GRHL2: variants seen among roughly 807,000 people sequenced by gnomAD.
GRHL2 encodes the protein grainyhead like transcription factor 2.
A neutral mutation model predicts 83.8 loss-of-function variants in GRHL2; 21 were observed. The ratio of observed to expected loss-of-function variants is 0.25; its 90% CI spans 0.18 to 0.36. GRHL2 has a LOEUF of 0.36. GRHL2 is among the 10% of genes least tolerant of loss of function. The pLI is 1.00. For synonymous variants in GRHL2, 280 were observed against 278.9 expected, an observed-to-expected ratio of 1.00 and a Z score of -0.04; for missense variants, 623 against 781.8, an observed-to-expected ratio of 0.80 and a Z score of 2.42.
chr8:101,558,474 G>T lies in GRHL2; in HGVS notation c.340G>T (p.Val114Leu). ...TAATTTGAGTGGAGGAGAAAACCGAGTGCAAGTCCTAAAGACTGTTCCAGT... is the reference window on the plus strand; with the variant it reads ...TAATTTGAGTGGAGGAGAAAACCGATTGCAAGTCCTAAAGACTGTTCCAGT... Reference protein sequence around the residue: ...QSNLSGGENRVQVLKTVPVNL... With the variant: ...QSNLSGGENRLQVLKTVPVNL... The change falls in exon 4 of 16, where the codon GTG becomes TTG. Residue 114 changes from valine (V) to leucine (L), a missense_variant. Around this residue, in one of 8 missense-constraint regions of GRHL2, gnomAD observed 239 missense variants for 240.5 expected, o/e 0.99. Coordinates refer to ENST00000646743, the MANE Select transcript of GRHL2 (RefSeq NM_024915.4). 6.2e-7 allele frequency: 1 copy of T among 1,614,198 alleles called. No homozygotes were observed. The highest frequency in any genetic ancestry group is 8.5e-7 in the Non-Finnish European group (1 of 1,180,042).
chr8:101,557,224 CT>C (rs34785282), intron 3 of GRHL2, among the ~76,000 whole-genome samples: 11,116 of 122,222 alleles, frequency 0.091, 439 homozygotes, highest in African/African-American at 0.18. Flanking sequence ...ATTAACAATA[CT>C]TTTTTTTTTT....
the GRHL2 span, among the ~76,000 whole-genome samples, chr8:101,678,770 G>C: frequency 1.3e-5 from 2 of 152,114 alleles, no homozygotes; most frequent in South Asian, 2.1e-4. Context: ...GCGGGTCCTT[G>C]ACCCCCAAGC....
At chr8:101,677,936 C>G in the GRHL2 span, among the ~76,000 whole-genome samples, 1 of 152,218 alleles carries the variant, frequency 6.6e-6, no homozygotes. Context: ...AATAATCTGT[C>G]TTAGGTGGAT....
In GRHL2 at chr8:101,573,729, C is replaced by T; in HGVS notation, c.796C>T (p.Pro266Ser). ...TCTCCGTCAGAAGCAGGGGGAGGGC[C>T]CCATGACCTACCTCAACAAAGGACA... ...KSLRQKQGEG[P>S]MTYLNKGQFY... is the part of the protein sequence containing the mutation. The change falls in exon 6 of 16, where the codon CCC (proline) becomes TCC (serine). Residue 266 changes from proline (P) to serine (S), a missense_variant. Physicochemically the swap from Pro to Ser is moderately conservative, Grantham distance 74. This residue lies in a region of GRHL2 where 96 missense variants were observed against 144.8 expected (regional missense o/e 0.66). Transcript: ENST00000646743. 3 of 1,614,114 alleles carry T rather than the reference C, an allele frequency of 1.9e-6. No homozygotes were observed. Among genetic ancestry groups the T allele is most frequent in the Non-Finnish European group, 1.7e-6 (2 of 1,180,026 alleles).
rs112134650 is a variant in GRHL2, at chr8:101,513,500, C to CTTTTTTTTTTTTTTT, written c.20+20721_20+20722insTTTTTTTTTTTTTTT. On this transcript the variant is annotated intron_variant, in intron 1 of 15. Coordinates refer to ENST00000646743, the MANE Select transcript of GRHL2 (RefSeq NM_024915.4). ...TATGTGGGTGCAGGCTATCGTTGTGCTTTTTTTTTTGGAGATGGAGTTTTG... is the reference window on the plus strand; with the variant it reads ...TATGTGGGTGCAGGCTATCGTTGTGCTTTTTTTTTTTTTTTTTTTTTTTTTGGAGATGGAGTTTTG... 6.1e-4 allele frequency among the ~76,000 whole-genome samples: 61 copies of CTTTTTTTTTTTTTTT among 100,144 alleles called. 8 individuals carry two copies. Among genetic ancestry groups the CTTTTTTTTTTTTTTT allele is most frequent in the Non-Finnish European group, 5.9e-4 (31 of 52,766 alleles). The allele number at this position is 100,144 out of a possible 152,430, so 65.7% of individuals were successfully genotyped here.
At chr8:101,536,418 A>G (rs1242928601) in intron 1 of GRHL2, among the ~76,000 whole-genome samples, 1 of 152,246 alleles carries the variant, frequency 6.6e-6, no homozygotes, top group East Asian at 1.9e-4. Flanking sequence ...AAAGAATAAT[A>G]GCTAGCATGT....
chr8:101,530,946 C>T (rs1350308723), intron 1 of GRHL2, among the ~76,000 whole-genome samples: 2 of 152,104 alleles, frequency 1.3e-5, no homozygotes, highest in East Asian at 1.9e-4. Flanking sequence ...ACTCAGGCTC[C>T]GAGGTTGTGC....
At chr8:101,651,689 C>T (rs568739475) in intron 14 of GRHL2, among the ~76,000 whole-genome samples, 1 of 152,256 alleles carries the variant, frequency 6.6e-6, no homozygotes, top group East Asian at 1.9e-4. Context: ...TTAGTGGGAG[C>T]TCATTACACC....
Position 101,667,941 on chromosome 8 carries a change from G to A in GRHL2, c.*1238G>A, listed in dbSNP as rs958389160. The A allele has an allele frequency of 3.3e-5, 5 of 152,718 alleles. No individual in the cohort carries two copies. The highest frequency in any genetic ancestry group is 1.3e-4 in the Admixed American group (2 of 15,284). The allele number at this position is 152,718 out of a possible 1,614,324, so 9.5% of individuals were successfully genotyped here. A position where few individuals can be genotyped will look rare whatever the true frequency, so the allele number is the denominator to read the frequency against. ...GCTGTGAACAGCTCAGCTCTGAGTC[G>A]GCAGGCTGGGGCTTCCTCCTGGGCC... On this transcript the variant is annotated 3_prime_UTR_variant, in exon 16 of 16. Coordinates refer to ENST00000646743, the MANE Select transcript of GRHL2 (RefSeq NM_024915.4).
intron 1 of GRHL2, among the ~76,000 whole-genome samples, chr8:101,502,038 T>C (rs201775329): frequency 3.3e-4 from 1 of 3,072 alleles, no homozygotes. Context: ...CAAATCATTG[T>C]TTTTTGGTTC....
intron 1 of GRHL2, among the ~76,000 whole-genome samples, chr8:101,540,217 T>C (rs1273892724): frequency 6.6e-6 from 1 of 152,206 alleles, no homozygotes; most frequent in Non-Finnish European, 1.5e-5. Context: ...TCCTATTTTA[T>C]CAATTATTTT....
intron 8 of GRHL2, among the ~76,000 whole-genome samples, chr8:101,617,192 A>T (rs76233155): frequency 0.016 from 2,500 of 151,986 alleles, 52 homozygotes; most frequent in African/African-American, 0.055. Context: ...ATGTGTTGGC[A>T]TAATTAGATC....
chr8:101,534,881 T>C (rs1387972928), intron 1 of GRHL2, among the ~76,000 whole-genome samples: 1 of 152,196 alleles, frequency 6.6e-6, no homozygotes, highest in East Asian at 1.9e-4. Flanking sequence ...GTGGTGGTGA[T>C]TGAAGAGCAG....
intron 1 of GRHL2, among the ~76,000 whole-genome samples, chr8:101,496,947 GT>G (rs1478710953): frequency 6.6e-6 from 1 of 152,162 alleles, no homozygotes; most frequent in African/African-American, 2.4e-5. Flanking sequence ...AACATGATCA[GT>G]TCTCTACTTA....
chr8:101,671,332 G>C (rs1475164893), downstream of GRHL2, among the ~76,000 whole-genome samples: 1 of 152,202 alleles, frequency 6.6e-6, no homozygotes, highest in African/African-American at 2.4e-5. Context: ...CTTTTCCAAT[G>C]GGCTTAAAAA....
chr8:101,548,055 G>C (rs80166414), intron 2 of GRHL2, among the ~76,000 whole-genome samples: 16,734 of 152,160 alleles, frequency 0.11, 1,219 homozygotes, highest in African/African-American at 0.2. Flanking sequence ...TGAAAAATAG[G>C]CTTCCCTGGT....
At chr8:101,674,559 G>C (rs62517406), downstream of GRHL2, among the ~76,000 whole-genome samples, 1 of 152,146 alleles carries the variant, frequency 6.6e-6, no homozygotes, top group Non-Finnish European at 1.5e-5. Context: ...AATTGAGGCA[G>C]TAATCAATAG....
At chr8:101,648,548 G>A (rs1892754) in intron 13 of GRHL2, among the ~76,000 whole-genome samples, 48,336 of 151,978 alleles carry the variant, frequency 0.32, 8,842 homozygotes, top group African/African-American at 0.5. Context: ...CGAGGCAGAT[G>A]TTATTATCCA....
intron 14 of GRHL2, among the ~76,000 whole-genome samples, chr8:101,655,095 T>C (rs12545764): frequency 6.6e-6 from 1 of 151,422 alleles, no homozygotes; most frequent in South Asian, 2.1e-4. Context: ...AGCAGGAGAA[T>C]CCCTTGAACC....
Sources: allele counts gnomAD v4.1 joint callset (sites outside exome capture counted in the v4.1 genomes callset), GRCh38; gene constraint gnomAD v4.1.1; regional missense constraint gnomAD v4.1.1; transcripts MANE v1.5; gene names NCBI Gene and HGNC (gene_info 2026-07-23, HGNC 2026-07-21).